Variants in SYNJ2BP observed in about 807,000 individuals in gnomAD.
SYNJ2BP encodes the protein synaptojanin-2-binding protein.
Under a neutral mutation model 16.9 loss-of-function variants are expected in SYNJ2BP, and 10 were observed. The ratio of observed to expected loss-of-function variants is 0.59; its 90% CI spans 0.36 to 1.00. SYNJ2BP has a LOEUF of 1.00. Ranked by LOEUF, SYNJ2BP falls within the 50% of genes least tolerant of loss-of-function variation. The probability of loss-of-function intolerance (pLI) is 0.01; values close to 1 mark genes in which losing one functional copy is unlikely to be tolerated. For missense variants in SYNJ2BP, 162 were observed against 186.7 expected (o/e 0.87, Z 0.77); for synonymous variants, 54 against 68.4 (o/e 0.79, Z 1.04).
chr14:70,394,509 T>C, intron 1 of SYNJ2BP, among the ~76,000 whole-genome samples: 1 of 150,908 alleles, frequency 6.6e-6, no homozygotes, highest in Non-Finnish European at 1.5e-5. Flanking sequence ...TGAGCTCTGG[T>C]TATAATGTGC....
At chr14:70,409,848 T>G (rs114468797) in intron 1 of SYNJ2BP, among the ~76,000 whole-genome samples, 302 of 152,210 alleles carry the variant, frequency 2.0e-3, no homozygotes, top group African/African-American at 6.9e-3. Context: ...CAGTGGCTCA[T>G]GCCTGGAATC....
intron 1 of SYNJ2BP, among the ~76,000 whole-genome samples, chr14:70,411,640 A>G (rs1353824201): frequency 6.6e-6 from 1 of 152,190 alleles, no homozygotes; most frequent in Non-Finnish European, 1.5e-5. Context: ...TGCTTAGGCC[A>G]TACTCATCCC....
intron 1 of SYNJ2BP, among the ~76,000 whole-genome samples, chr14:70,389,328 A>G (rs1887929124): frequency 6.6e-6 from 1 of 151,558 alleles, no homozygotes. Flanking sequence ...AAGCTTCTGG[A>G]GAATTTATGT....
intron 1 of SYNJ2BP, among the ~76,000 whole-genome samples, chr14:70,410,513 T>G (rs1364347799): frequency 6.6e-6 from 1 of 152,098 alleles, no homozygotes; most frequent in Non-Finnish European, 1.5e-5. Context: ...CTGACCACTG[T>G]GTGTCATGCA....
At chr14:70,376,700 C>T (rs1392042711) in intron 2 of SYNJ2BP, among the ~76,000 whole-genome samples, 4 of 152,162 alleles carry the variant, frequency 2.6e-5, no homozygotes, top group Non-Finnish European at 5.9e-5. Flanking sequence ...ATTTTTATCT[C>T]GTTTCCACAG....
In SYNJ2BP at chr14:70,371,147, T is replaced by C. The variant is rs189115932; in HGVS notation, c.*1844A>G. On this transcript the variant is annotated 3_prime_UTR_variant, in exon 4 of 4. Transcript: ENST00000256366. ...GGCCAATATATTTGGCTAATGGAAA[T>C]GATTTTCTTAAAGCCAGAAAATTCA... 6.6e-6 allele frequency: 1 copy of C among 152,338 alleles called. No homozygotes were observed. The highest frequency in any genetic ancestry group is 2.4e-5 in the African/African-American group (1 of 41,578). 9.4% of individuals were successfully genotyped at this position (152,338 alleles called of 1,614,324 possible).
At chr14:70,413,751 C>T (rs1299356769) in intron 1 of SYNJ2BP, among the ~76,000 whole-genome samples, 2 of 152,210 alleles carry the variant, frequency 1.3e-5, no homozygotes, top group Non-Finnish European at 2.9e-5. Context: ...TCATTACTTC[C>T]CTTGCAGTAA....
intron 1 of SYNJ2BP, among the ~76,000 whole-genome samples, chr14:70,406,809 G>A (rs1051836451): frequency 1.3e-5 from 2 of 152,054 alleles, no homozygotes; most frequent in African/African-American, 4.8e-5. Flanking sequence ...CCCCCCACCT[G>A]ACAAATTATC....
At chr14:70,395,602 CCT>C (rs1183674980) in intron 1 of SYNJ2BP, among the ~76,000 whole-genome samples, 30 of 152,286 alleles carry the variant, frequency 2.0e-4, no homozygotes, top group Admixed American at 1.4e-3. Context: ...ACACAACCCC[CCT>C]GTCTGTCTTT....
chr14:70,388,584 A>G lies in SYNJ2BP; in HGVS notation c.87T>C (p.Gly29=). 6.5e-7 allele frequency: 1 copy of G among 1,548,246 alleles called. No homozygotes were observed. Among genetic ancestry groups the G allele is most frequent in the Non-Finnish European group, 8.7e-7 (1 of 1,148,474 alleles). ...TGGAGACATACTGCTGATCTGTCCC[A>G]CCGACGATGTTGAAGCCCAGCCCTG... ...GPSGLGFNIV[G]GTDQQYVSND... is the part of the protein sequence containing the mutation. The change falls in exon 2 of 4, where the codon GGT becomes GGC. Residue 29 remains glycine, a synonymous_variant. Coordinates refer to ENST00000256366, the MANE Select transcript of SYNJ2BP (RefSeq NM_018373.3).
intron 1 of SYNJ2BP, among the ~76,000 whole-genome samples, chr14:70,390,083 G>C (rs1421747512): frequency 6.6e-6 from 1 of 152,080 alleles, no homozygotes; most frequent in Non-Finnish European, 1.5e-5. Context: ...GAGAAGGAAA[G>C]AAAACTGAGT....
intron 2 of SYNJ2BP, among the ~76,000 whole-genome samples, chr14:70,385,055 A>C (rs1317965430): frequency 6.6e-6 from 1 of 152,126 alleles, no homozygotes; most frequent in Non-Finnish European, 1.5e-5. Context: ...TGTAATATTT[A>C]ATATCTTTTT....
At chr14:70,413,783 T>G (rs1458808021) in intron 1 of SYNJ2BP, among the ~76,000 whole-genome samples, 1 of 152,206 alleles carries the variant, frequency 6.6e-6, no homozygotes, top group Non-Finnish European at 1.5e-5. Context: ...AGGAACAGGT[T>G]CGACTGCCTT....
Position 70,366,819 on chromosome 14 carries a change from T to G in SYNJ2BP, c.*6172A>C, listed in dbSNP as rs180987174. The G allele has an allele frequency of 6.6e-6, 1 of 152,160 alleles. No individual in the cohort carries two copies. The highest frequency in any genetic ancestry group is 1.5e-5 in the Non-Finnish European group (1 of 68,038). The allele number at this position is 152,160 out of a possible 1,614,324, so 9.4% of individuals were successfully genotyped here. On this transcript the variant is annotated 3_prime_UTR_variant, in exon 4 of 4. Coordinates refer to ENST00000256366, the MANE Select transcript of SYNJ2BP (RefSeq NM_018373.3). ...AGGAAGCAAAACAAAACAGGGTTCA[T>G]GAGGAAAATAATCTTCTAAGAACTA...
At chr14:70,396,003 T>G (rs1040266565) in intron 1 of SYNJ2BP, among the ~76,000 whole-genome samples, 2 of 152,268 alleles carry the variant, frequency 1.3e-5, no homozygotes, top group African/African-American at 4.8e-5. Context: ...ATCTTTTGTA[T>G]GTACATACCA....
intron 3 of SYNJ2BP, 44 bp from the exon 4 acceptor site, chr14:70,373,175 T>C (rs762544718): frequency 2.5e-6 from 4 of 1,607,974 alleles, no homozygotes; most frequent in Non-Finnish European, 3.4e-6. Flanking sequence ...CTAATGTGTG[T>C]TTGCAACTGA....
At chr14:70,397,882 A>G (rs537777589) in intron 1 of SYNJ2BP, among the ~76,000 whole-genome samples, 1 of 84,854 alleles carries the variant, frequency 1.2e-5, no homozygotes, top group African/African-American at 3.3e-5. Context: ...AGTGTCAGCA[A>G]GTCAAAGAGG....
At chr14:70,379,823 T>C (rs747154425) in intron 2 of SYNJ2BP, among the ~76,000 whole-genome samples, 1 of 152,222 alleles carries the variant, frequency 6.6e-6, no homozygotes, top group Non-Finnish European at 1.5e-5. Context: ...GTACTTTCTT[T>C]AGAGGCAGAC....
At chr14:70,411,148 T>C (rs1888464052) in intron 1 of SYNJ2BP, among the ~76,000 whole-genome samples, 1 of 152,194 alleles carries the variant, frequency 6.6e-6, no homozygotes, top group African/African-American at 2.4e-5. Context: ...CTTGGAATTT[T>C]AAGTCACACA....
Sources: allele counts gnomAD v4.1 joint callset (sites outside exome capture counted in the v4.1 genomes callset), GRCh38; gene constraint gnomAD v4.1.1; transcripts MANE v1.5; gene names NCBI Gene and HGNC (gene_info 2026-07-23, HGNC 2026-07-21).